Variants in CDYL2 observed in about 807,000 individuals in gnomAD.
CDYL2 encodes chromodomain Y-like protein 2.
A neutral mutation model predicts 49.4 loss-of-function variants in CDYL2; 23 were observed. The observed-to-expected ratio is 0.47, with a 90% CI of 0.34 to 0.66. CDYL2 has a LOEUF of 0.66. CDYL2 is among the 30% of genes least tolerant of loss of function. The pLI is 0.01. For synonymous variants in CDYL2, 360 were observed against 268.8 expected (o/e 1.34, Z -3.32); for missense variants, 678 against 656.4 (o/e 1.03, Z -0.36).
At chr16:80,694,777 C>G (rs1422528797) in intron 1 of CDYL2, among the ~76,000 whole-genome samples, 1 of 152,082 alleles carries the variant, frequency 6.6e-6, no homozygotes, top group Admixed American at 6.5e-5. Flanking sequence ...CTAGGGCTCC[C>G]TAGGAAAATG....
At chr16:80,677,412 G>C (rs1473889137) in intron 2 of CDYL2, among the ~76,000 whole-genome samples, 1 of 152,160 alleles carries the variant, frequency 6.6e-6, no homozygotes, top group East Asian at 1.9e-4. Flanking sequence ...CAGCGTTTCA[G>C]GCTCAGAAGC....
intron 2 of CDYL2, among the ~76,000 whole-genome samples, chr16:80,658,152 A>T (rs894161153): frequency 2.0e-5 from 3 of 152,064 alleles, no homozygotes; most frequent in Non-Finnish European, 4.4e-5. Flanking sequence ...AAACAATGAA[A>T]TTGATTATCA....
At chr16:80,631,342 C>A (rs1453965790) in intron 3 of CDYL2, among the ~76,000 whole-genome samples, 1 of 152,212 alleles carries the variant, frequency 6.6e-6, no homozygotes, top group African/African-American at 2.4e-5. Flanking sequence ...TGCCCTACCC[C>A]AGGCATCTTG....
chr16:80,610,152 T>A (rs1906530089), intron 5 of CDYL2, among the ~76,000 whole-genome samples: 1 of 152,146 alleles, frequency 6.6e-6, no homozygotes, highest in Admixed American at 6.5e-5. Context: ...GGACAATGCT[T>A]ATCAGCCTCA....
Position 80,612,487 on chromosome 16 carries a change from G to A in CDYL2, c.1218+139C>T. The A allele has an allele frequency of 1.3e-6, 1 of 746,922 alleles. No individual in the cohort carries two copies. Among genetic ancestry groups the A allele is most frequent in the Non-Finnish European group, 2.2e-6 (1 of 457,900 alleles). The allele number at this position is 746,922 out of a possible 1,614,324, so 46.3% of individuals were successfully genotyped here. On this transcript the variant is annotated intron_variant, in intron 5 of 6. Transcript: ENST00000570137. This position sits in a 1 kb window ranked among gnomAD's most constrained non-coding sequence, Gnocchi z 5.0. Reference sequence around the variant, plus strand: ...CGGGCTACTCCATCTGGCACTGAAGGTGTGAAGGACATGAGGCAGCCAAGC... The same window carrying A: ...CGGGCTACTCCATCTGGCACTGAAGATGTGAAGGACATGAGGCAGCCAAGC...
chr16:80,758,242 T>C (rs1487843246), intron 1 of CDYL2, among the ~76,000 whole-genome samples: 3 of 152,110 alleles, frequency 2.0e-5, no homozygotes, highest in African/African-American at 7.2e-5. Flanking sequence ...AGCTAAGACA[T>C]TTTACCCCTA....
At chr16:80,636,629 T>C (rs1200782584) in intron 2 of CDYL2, among the ~76,000 whole-genome samples, 1 of 152,126 alleles carries the variant, frequency 6.6e-6, no homozygotes, top group Admixed American at 6.5e-5. Context: ...CTTCAACCAT[T>C]GTGGAAGACA....
chr16:80,724,646 A>G (rs1401369145), intron 1 of CDYL2, among the ~76,000 whole-genome samples: 1 of 152,242 alleles, frequency 6.6e-6, no homozygotes, highest in African/African-American at 2.4e-5. Context: ...TTTGTTTCAC[A>G]TACATATACA....
rs1461042502 is a variant in CDYL2 at position 80,598,091 on chromosome 16, C to T, written c.*6297G>A. On this transcript the variant is annotated 3_prime_UTR_variant, in exon 7 of 7. Transcript: ENST00000570137. The stretch of plus-strand genomic sequence containing the variant: ...ATTTGATAAATCAGAAGATTATTAT[C>T]CCTCAGTACTGCACCCAGTCTCAGT... 4 of 152,104 alleles carry T rather than the reference C, an allele frequency of 2.6e-5. No individual in the cohort carries two copies. Among genetic ancestry groups the T allele is most frequent in the African/African-American group, 9.7e-5 (4 of 41,400 alleles). 9.4% of individuals were successfully genotyped at this position (152,104 alleles called of 1,614,324 possible).
intron 1 of CDYL2, among the ~76,000 whole-genome samples, chr16:80,750,785 C>T (rs1286112990): frequency 2.0e-5 from 3 of 152,082 alleles, no homozygotes; most frequent in Non-Finnish European, 4.4e-5. Context: ...TTTGGGAGGC[C>T]GAGGCAGGCG....
At chr16:80,656,177 G>T (rs8053722) in intron 2 of CDYL2, among the ~76,000 whole-genome samples, 60,135 of 152,088 alleles carry the variant, frequency 0.4, 12,311 homozygotes, top group East Asian at 0.6. Flanking sequence ...ACTGACCTGG[G>T]GTCAATAAAG....
chr16:80,696,443 A>C (rs1910616652), intron 1 of CDYL2, among the ~76,000 whole-genome samples: 1 of 152,096 alleles, frequency 6.6e-6, no homozygotes, highest in Non-Finnish European at 1.5e-5. Flanking sequence ...TTTTTTTTAA[A>C]TATAAAATCA....
At chr16:80,726,191 C>T (rs1905157395) in intron 1 of CDYL2, among the ~76,000 whole-genome samples, 1 of 152,162 alleles carries the variant, frequency 6.6e-6, no homozygotes. Flanking sequence ...TTTTTGCGTA[C>T]ATTTAAAATT....
intron 5 of CDYL2, among the ~76,000 whole-genome samples, chr16:80,611,687 T>C (rs1171205055): frequency 6.6e-6 from 1 of 152,176 alleles, no homozygotes; most frequent in Admixed American, 6.5e-5. Context: ...TTTAGACAAC[T>C]CACTAAACCT....
intron 3 of CDYL2, among the ~76,000 whole-genome samples, chr16:80,631,495 T>C (rs28600122): frequency 0.056 from 8,476 of 152,254 alleles, 717 homozygotes; most frequent in African/African-American, 0.18. Flanking sequence ...ATTTTATTCA[T>C]CTAAGACATA....
At chr16:80,670,881 G>C in intron 2 of CDYL2, 2 of 455,792 alleles carry the variant, frequency 4.4e-6, no homozygotes, top group South Asian at 1.5e-5. Context: ...TAGTCAGGTT[G>C]CGCACGAGGA....
intron 1 of CDYL2, among the ~76,000 whole-genome samples, chr16:80,764,664 T>C (rs1381952180): frequency 1.3e-5 from 2 of 152,284 alleles, no homozygotes; most frequent in South Asian, 2.1e-4. Context: ...TGGTATCTAA[T>C]ATATACTGTA....
At chr16:80,785,160 G>A (rs536714134) in intron 1 of CDYL2, among the ~76,000 whole-genome samples, 32 of 152,174 alleles carry the variant, frequency 2.1e-4, no homozygotes, top group African/African-American at 7.0e-4. Flanking sequence ...ATAGGAAGAG[G>A]GGAAGTGAAA....
intron 2 of CDYL2, among the ~76,000 whole-genome samples, chr16:80,641,560 A>T (rs56735556): frequency 0.059 from 8,929 of 152,092 alleles, 859 homozygotes; most frequent in African/African-American, 0.2. Flanking sequence ...TGGAATACTA[A>T]GCAGCCATAA....
Sources: allele counts gnomAD v4.1 joint callset (sites outside exome capture counted in the v4.1 genomes callset), GRCh38; gene constraint gnomAD v4.1.1; non-coding constraint Gnocchi (gnomAD v3.1); transcripts MANE v1.5; gene names NCBI Gene and HGNC (gene_info 2026-07-23, HGNC 2026-07-21).